TJP3: variants seen among roughly 807,000 people sequenced by gnomAD.
The protein encoded by TJP3 is tight junction protein 3, also known as tight junction protein ZO-3.
TJP3 carries 85 observed loss-of-function variants against 104.2 expected under a neutral mutation model. That is an observed-to-expected ratio of 0.82 (90% CI 0.68 to 0.98). The LOEUF is 0.98. Among genes scored for constraint, TJP3 ranks in the 50% least tolerant of loss-of-function variants. The pLI is 0.00. For synonymous variants in TJP3, 550 were observed against 550.6 expected (o/e 1.00, Z 0.02); for missense variants, 1,367 against 1,322.8 (o/e 1.03, Z -0.52).
chr19:3,743,783 C>A (rs1176540549), intron 14 of TJP3, 156 bp from the exon 15 acceptor site: 7 of 636,286 alleles, frequency 1.1e-5, no homozygotes, highest in Non-Finnish European at 1.7e-5. Context: ...AACCTAGCTG[C>A]AAAGGACACT....
intron 5 of TJP3, 123 bp from the exon 6 acceptor site, chr19:3,731,812 C>G: frequency 2.9e-6 from 2 of 686,242 alleles, no homozygotes; most frequent in East Asian, 2.8e-5. Flanking sequence ...TCACTGTTCT[C>G]CTTATGATGC....
At chr19:3,745,886 G>A (rs2145703986) in intron 15 of TJP3, 125 bp from the exon 16 acceptor site, 1 of 764,298 alleles carries the variant, frequency 1.3e-6, no homozygotes, top group East Asian at 2.7e-5. Flanking sequence ...GCTGCTGTTA[G>A]GATTTCTCTC....
At position 3,747,821 on chromosome 19, in the gene TJP3, G is replaced by A; in HGVS notation, c.2350G>A (p.Asp784Asn). Residue 784 changes from aspartate to asparagine, a missense_variant, in exon 19 of 21, where the codon GAC becomes AAC. By Grantham distance (23) the Asp-to-Asn change is conservative. Transcript: ENST00000541714. ...QLDGSLEDNL[D>N]LPHHGLADSS... is the part of the protein sequence containing the mutation. ...GGATGGCTCCTTGGAGGACAACCTA[G>A]ACCTCCCTCACCACGGCCTGGCCGA... 1 of 1,605,368 alleles carries A rather than the reference G, an allele frequency of 6.2e-7. No individual in the cohort carries two copies. The highest frequency in any genetic ancestry group is 1.3e-5 in the African/African-American group (1 of 74,970).
At position 3,734,452 on chromosome 19, in the gene TJP3, G is replaced by C; in HGVS notation, c.986+17G>C. The C allele has an allele frequency of 6.3e-7, 1 of 1,586,242 alleles. No individual in the cohort carries two copies. The highest frequency in any genetic ancestry group is 8.6e-7 in the Non-Finnish European group (1 of 1,167,184). On this transcript the variant is annotated intron_variant, in intron 8 of 20. Transcript: ENST00000541714. The stretch of plus-strand genomic sequence containing the variant: ...CTCTCCCGTGTAAGTATCACCCATC[G>C]GCCAGAATGGTGATAGGGAGGGAGA...
chr19:3,712,159 T>C (rs1344647786), intron 1 of TJP3, among the ~76,000 whole-genome samples: 1 of 152,132 alleles, frequency 6.6e-6, no homozygotes, highest in Non-Finnish European at 1.5e-5. Context: ...CTACTAAAAA[T>C]ACAAAAATTA....
At chr19:3,728,377 T>C (rs768176576) in intron 1 of TJP3, 47 bp from the exon 2 acceptor site, 6 of 1,613,830 alleles carry the variant, frequency 3.7e-6, no homozygotes, top group African/African-American at 1.3e-5. Context: ...AGTGCTCAGA[T>C]GAACCTGTGT....
chr19:3,740,323 G>C (rs951173496), intron 13 of TJP3, among the ~76,000 whole-genome samples: 20 of 152,142 alleles, frequency 1.3e-4, no homozygotes, highest in African/African-American at 4.6e-4. Context: ...CAGGAGAATC[G>C]CCTGAACCCA....
intron 1 of TJP3, among the ~76,000 whole-genome samples, chr19:3,717,394 C>T (rs1568377675): frequency 7.2e-6 from 1 of 139,318 alleles, no homozygotes; most frequent in Admixed American, 7.7e-5. Context: ...GCCACTGTGC[C>T]CAGCCATAGC....
rs779379409 is a variant in TJP3 at position 3,740,632 on chromosome 19, G to A, written c.1712G>A (p.Arg571Gln). 1.1e-5 allele frequency: 18 copies of A among 1,593,834 alleles called. No individual in the cohort carries two copies. The highest frequency in any genetic ancestry group is 1.2e-5 in the Non-Finnish European group (14 of 1,171,506). Reference sequence around the variant, plus strand: ...GGCTCCTCCGCGGGCTCCAATGCTCGGGCCGAGTTCTGGCGGCTGCGGGGT... The same window carrying A: ...GGCTCCTCCGCGGGCTCCAATGCTCAGGCCGAGTTCTGGCGGCTGCGGGGT... ...GPGSSAGSNA[R>Q]AEFWRLRGLR... Residue 571 changes from arginine to glutamine, a missense_variant, in exon 14 of 21, where the codon CGG (arginine) becomes CAG (glutamine). Transcript: ENST00000541714.
In TJP3 at chr19:3,730,358, G is replaced by C. The variant is rs1057324835; in HGVS notation, c.265G>C (p.Val89Leu). Residue 89 changes from valine (V) to leucine (L), a missense_variant, in exon 5 of 21, where the codon GTG (valine) becomes CTG (leucine). By Grantham distance (32) the Val-to-Leu change is conservative. Transcript: ENST00000541714. This position sits in a 1 kb window ranked among gnomAD's most constrained non-coding sequence, Gnocchi z 7.3. ...TTCCTGTCCCCTCCTCTAACAGACAGTGAAACGTCCCCGGAGGATCCACCT... is the reference window on the plus strand; with the variant it reads ...TTCCTGTCCCCTCCTCTAACAGACACTGAAACGTCCCCGGAGGATCCACCT... ...KTCTKMANIT[V>L]KRPRRIHLPA... 4 of 1,523,680 alleles carry C rather than the reference G, an allele frequency of 2.6e-6. No individual in the cohort carries two copies. Among genetic ancestry groups the C allele is most frequent in the Non-Finnish European group, 2.6e-6 (3 of 1,135,592 alleles). 94.4% of individuals were successfully genotyped at this position (1,523,680 alleles called of 1,614,324 possible). A position where few individuals can be genotyped will look rare whatever the true frequency, so the allele number is the denominator to read the frequency against.
intron 20 of TJP3, 129 bp downstream of exon 20, chr19:3,750,313 C>A: frequency 7.7e-7 from 1 of 1,296,254 alleles, no homozygotes; most frequent in Non-Finnish European, 1.1e-6. Flanking sequence ...CAGAGCCTGC[C>A]AGAGCCTCTC....
rs767563021 is a variant in TJP3 at position 3,730,830 on chromosome 19, G to A, written c.613+124G>A. 122 of 1,027,676 alleles carry A rather than the reference G, an allele frequency of 1.2e-4. No homozygotes were observed. The highest frequency in any genetic ancestry group is 2.8e-4 in the Middle Eastern group (1 of 3,578). 63.7% of individuals were successfully genotyped at this position (1,027,676 alleles called of 1,614,324 possible). The stretch of plus-strand genomic sequence containing the variant: ...CTGGTGGCTGGGACTCCAGGCGCCC[G>A]CCACCATGCCTGGCTAATTTTTGTA... On this transcript the variant is annotated intron_variant, in intron 5 of 20. Transcript: ENST00000541714. The surrounding 1 kb of genome is among the most constrained non-coding windows in gnomAD (Gnocchi z 7.3).
chr19:3,730,575 G>T lies in TJP3; in HGVS notation c.482G>T (p.Gly161Val), dbSNP rs1325475590. ...CGCCGGGGCCGGGCCGGCAGCCATG[G>T]GCGTAGGAGCCCAGGTGGTGGCTCT... Reference protein sequence around the residue: ...PGRRGRAGSHGRRSPGGGSEA... With the variant: ...PGRRGRAGSHVRRSPGGGSEA... Residue 161 changes from glycine to valine, a missense_variant, in exon 5 of 21, where the codon GGG becomes GTG. Transcript: ENST00000541714. This position sits in a 1 kb window ranked among gnomAD's most constrained non-coding sequence, Gnocchi z 7.3. The T allele has an allele frequency of 6.2e-7, 1 of 1,609,184 alleles. No individual in the cohort carries two copies. Among genetic ancestry groups the T allele is most frequent in the East Asian group, 2.2e-5 (1 of 44,838 alleles).
Position 3,750,656 on chromosome 19 carries a change from A to C in TJP3, c.2732A>C (p.Tyr911Ser). The stretch of plus-strand genomic sequence containing the variant: ...GCGGAGTCCTCCGATGAAGACGGCT[A>C]TGACTGGGGTCCGGCCACTGACCTG... ...HDAESSDEDGYDWGPATDL is the reference protein window; with the variant it reads ...HDAESSDEDGSDWGPATDL Residue 911 changes from tyrosine (Y) to serine (S), a missense_variant, in exon 21 of 21, where the codon TAT becomes TCT. Coordinates refer to ENST00000541714, the MANE Select transcript of TJP3 (RefSeq NM_001267560.2). The C allele has an allele frequency of 1.2e-6, 2 of 1,605,838 alleles. No homozygotes were observed. The highest frequency in any genetic ancestry group is 1.7e-6 in the Non-Finnish European group (2 of 1,176,242).
In TJP3 at chr19:3,746,455, CT is replaced by C. The variant is rs763640752; in HGVS notation, c.2011-29del. The C allele has an allele frequency of 2.2e-5, 35 of 1,611,380 alleles. No homozygotes were observed. Among genetic ancestry groups the C allele is most frequent in the Admixed American group, 6.7e-5 (4 of 59,918 alleles). ...CTCTGTTTACCCTGCTGCAATCCCCCTCACCCCAACGTCCGCCGGCCTGGCC... is the reference window on the plus strand; with the variant it reads ...CTCTGTTTACCCTGCTGCAATCCCCCCACCCCAACGTCCGCCGGCCTGGCC... On this transcript the variant is annotated intron_variant, in intron 16 of 20. Transcript: ENST00000541714. The surrounding 1 kb of genome is among the most constrained non-coding windows in gnomAD (Gnocchi z 4.1).
At chr19:3,734,200 T>G in intron 7 of TJP3, 127 bp from the exon 8 acceptor site, 1 of 1,077,548 alleles carries the variant, frequency 9.3e-7, no homozygotes, top group Non-Finnish European at 1.3e-6. Context: ...GAGCCGAATC[T>G]TCTAACTGAG....
At position 3,724,346 on chromosome 19, in the gene TJP3, C is replaced by A. The variant is rs1022364301; in HGVS notation, c.-9-4078C>A. Among the ~76,000 whole-genome samples the A allele has an allele frequency of 5.9e-5, 9 of 152,144 alleles. No homozygotes were observed. In the East Asian group the frequency reaches 7.7e-4, roughly 13 times the overall value. ...GAGTAGCTGGGACTACAGGCGCCGG[C>A]CACCACGCCCTGCTAATTTTTTGTA... On this transcript the variant is annotated intron_variant, in intron 1 of 20. Transcript: ENST00000541714.
chr19:3,747,243 CAG>C (rs2036910557), intron 18 of TJP3, among the ~76,000 whole-genome samples: 1 of 151,596 alleles, frequency 6.6e-6, no homozygotes, highest in African/African-American at 2.4e-5. Flanking sequence ...GTATTTTTAG[CAG>C]AGACGAGGTT....
chr19:3,746,924 T>C lies in TJP3; in HGVS notation c.2322+48T>C, dbSNP rs954424875. ...TCGGGCAGGGAGGCCCCACAGACGCTGTGCAGGCCCAGCTGGGGTTTGGGG... is the reference window on the plus strand; with the variant it reads ...TCGGGCAGGGAGGCCCCACAGACGCCGTGCAGGCCCAGCTGGGGTTTGGGG... On this transcript the variant is annotated intron_variant, in intron 18 of 20. Transcript: ENST00000541714. The surrounding 1 kb of genome is among the most constrained non-coding windows in gnomAD (Gnocchi z 4.1). 8 of 1,532,232 alleles carry C rather than the reference T, an allele frequency of 5.2e-6. No homozygotes were observed. The highest frequency in any genetic ancestry group is 6.2e-6 in the Non-Finnish European group (7 of 1,128,630). The allele number at this position is 1,532,232 out of a possible 1,614,324, so 94.9% of individuals were successfully genotyped here. A position where few individuals can be genotyped will look rare whatever the true frequency, so the allele number is the denominator to read the frequency against.
Sources: allele counts gnomAD v4.1 joint callset (sites outside exome capture counted in the v4.1 genomes callset), GRCh38; gene constraint gnomAD v4.1.1; non-coding constraint Gnocchi (gnomAD v3.1); transcripts MANE v1.5; gene names NCBI Gene and HGNC (gene_info 2026-07-23, HGNC 2026-07-21).